ERC2: variants seen among roughly 807,000 people sequenced by gnomAD.
ERC2 encodes ERC protein 2.
In ERC2, 42 loss-of-function variants were observed where a neutral mutation model predicts 114.8. The observed-to-expected ratio is 0.37, with a 90% CI of 0.29 to 0.47. ERC2 has a LOEUF of 0.47. ERC2 is among the 20% of genes least tolerant of loss of function. ERC2 has a pLI of 0.99. For synonymous variants in ERC2, 454 were observed against 425.5 expected, an observed-to-expected ratio of 1.07 and a Z score of -0.82; for missense variants, 939 against 1,150.7, an observed-to-expected ratio of 0.82 and a Z score of 2.66.
chr3:56,140,179 C>T (rs533033956), intron 5 of ERC2, among the ~76,000 whole-genome samples: 1 of 152,066 alleles, frequency 6.6e-6, no homozygotes, highest in African/African-American at 2.4e-5. Context: ...ACAAAAAGAA[C>T]ATAAAATATA....
chr3:55,883,031 C>T (rs1008110313), intron 14 of ERC2, among the ~76,000 whole-genome samples: 4 of 152,206 alleles, frequency 2.6e-5, no homozygotes, highest in African/African-American at 9.6e-5. Context: ...TCATTTCCTT[C>T]ACTCATTTTA....
At chr3:55,757,948 C>A (rs1466259431) in intron 14 of ERC2, among the ~76,000 whole-genome samples, 1 of 151,552 alleles carries the variant, frequency 6.6e-6, no homozygotes, top group African/African-American at 2.4e-5. Context: ...TATATATATA[C>A]ATTTATACCT....
At chr3:55,692,443 C>T (rs1559507309) in intron 16 of ERC2, among the ~76,000 whole-genome samples, 1 of 152,184 alleles carries the variant, frequency 6.6e-6, no homozygotes, top group African/African-American at 2.4e-5. Context: ...TGCCTCCAGC[C>T]ACAACATCGA....
At chr3:55,888,347 G>A (rs2063447483) in intron 14 of ERC2, 42 bp downstream of exon 14, 3 of 1,610,260 alleles carry the variant, frequency 1.9e-6, no homozygotes, top group Admixed American at 1.7e-5. Context: ...TCTCAAGAGA[G>A]GCTAGAAGAG....
chr3:56,171,661 AT>A (rs983614235), intron 4 of ERC2, among the ~76,000 whole-genome samples: 32 of 151,968 alleles, frequency 2.1e-4, no homozygotes, highest in Non-Finnish European at 4.0e-4. Flanking sequence ...TTATTTATAA[AT>A]TTTTTTATAA....
chr3:56,437,874 A>G (rs2062097790), intron 1 of ERC2, among the ~76,000 whole-genome samples: 2 of 152,214 alleles, frequency 1.3e-5, no homozygotes, highest in African/African-American at 2.4e-5. Context: ...CAGGGGGAGC[A>G]GACGACAAAA....
At chr3:56,115,175 A>G (rs909618484) in intron 6 of ERC2, among the ~76,000 whole-genome samples, 4 of 152,166 alleles carry the variant, frequency 2.6e-5, no homozygotes, top group African/African-American at 7.2e-5. Context: ...CACATGCATT[A>G]AACTCTCTCT....
intron 6 of ERC2, among the ~76,000 whole-genome samples, chr3:56,134,471 G>A (rs1267255480): frequency 6.6e-6 from 1 of 152,214 alleles, no homozygotes; most frequent in Non-Finnish European, 1.5e-5. Context: ...GATTATTAAT[G>A]TGAAGTTCTT....
chr3:56,248,171 C>T (rs2051853087), intron 3 of ERC2, among the ~76,000 whole-genome samples: 1 of 152,138 alleles, frequency 6.6e-6, no homozygotes, highest in Non-Finnish European at 1.5e-5. Flanking sequence ...TTCATTGTAA[C>T]CTGGAATTCC....
At chr3:55,544,064 G>A (rs1374764583) in intron 17 of ERC2, among the ~76,000 whole-genome samples, 1 of 152,190 alleles carries the variant, frequency 6.6e-6, no homozygotes, top group African/African-American at 2.4e-5. Flanking sequence ...GGCAGCATGG[G>A]ACTAAGCAAG....
intron 8 of ERC2, among the ~76,000 whole-genome samples, chr3:56,011,994 A>T (rs1156579553): frequency 6.6e-6 from 1 of 152,212 alleles, no homozygotes; most frequent in Non-Finnish European, 1.5e-5. Context: ...CCAATTATTT[A>T]AAAACACTTT....
chr3:56,005,755 A>G (rs1200947641), intron 10 of ERC2, among the ~76,000 whole-genome samples: 1 of 152,042 alleles, frequency 6.6e-6, no homozygotes, highest in African/African-American at 2.4e-5. Context: ...GAGCCAATGA[A>G]TTTCTCTCTT....
intron 13 of ERC2, among the ~76,000 whole-genome samples, chr3:55,898,567 A>G (rs1234168763): frequency 6.6e-6 from 1 of 152,170 alleles, no homozygotes. Context: ...AGACCTTGTG[A>G]GGAATACGGG....
intron 14 of ERC2, among the ~76,000 whole-genome samples, chr3:55,864,212 C>CACAT (rs1553709481): frequency 7.4e-6 from 1 of 135,274 alleles, no homozygotes; most frequent in African/African-American, 3.2e-5. Flanking sequence ...TATATACACA[C>CACAT]ATATATACAC....
intron 6 of ERC2, among the ~76,000 whole-genome samples, chr3:56,131,937 C>T (rs1376551197): frequency 1.3e-5 from 2 of 152,194 alleles, no homozygotes; most frequent in African/African-American, 2.4e-5. Context: ...GTATCAAAAT[C>T]ACCGTACCCC....
chr3:56,301,910 G>A (rs9799155), intron 2 of ERC2, among the ~76,000 whole-genome samples: 35,329 of 151,766 alleles, frequency 0.23, 4,520 homozygotes, highest in Non-Finnish European at 0.28. Flanking sequence ...CATTTAATGG[G>A]GATTAAATGA....
intron 14 of ERC2, among the ~76,000 whole-genome samples, chr3:55,758,909 T>A (rs1037626699): frequency 2.0e-5 from 3 of 152,212 alleles, no homozygotes; most frequent in Admixed American, 2.0e-4. Flanking sequence ...ATTTTGGGAA[T>A]TCAAAACACT....
At chr3:56,248,827 G>A (rs2051906675) in intron 3 of ERC2, among the ~76,000 whole-genome samples, 2 of 152,180 alleles carry the variant, frequency 1.3e-5, no homozygotes, top group Non-Finnish European at 2.9e-5. Context: ...CAAAACACGT[G>A]TTCACAGGCA....
intron 3 of ERC2, among the ~76,000 whole-genome samples, chr3:56,215,219 C>T (rs1462770654): frequency 6.6e-6 from 1 of 152,068 alleles, no homozygotes. Flanking sequence ...AGAGTCAAGA[C>T]CCATCAGCGT....
Sources: allele counts gnomAD v4.1 joint callset (sites outside exome capture counted in the v4.1 genomes callset), GRCh38; gene constraint gnomAD v4.1.1; transcripts MANE v1.5; gene names NCBI Gene and HGNC (gene_info 2026-07-23, HGNC 2026-07-21).